The following LRCH1 variants were observed in gnomAD, a reference collection of about 807,000 sequenced individuals.
LRCH1 encodes the protein leucine-rich repeat and calponin homology domain-containing protein 1.
Under a neutral mutation model 94.9 loss-of-function variants are expected in LRCH1, and 23 were observed. That is an observed-to-expected ratio of 0.24 (90% CI 0.17 to 0.34). The LOEUF is 0.34. Among genes scored for constraint, LRCH1 ranks in the 10% least tolerant of loss-of-function variants. LRCH1 has a pLI of 1.00. For synonymous variants in LRCH1, 364 were observed against 354.9 expected, an observed-to-expected ratio of 1.03 and a Z score of -0.29; for missense variants, 790 against 945.9, an observed-to-expected ratio of 0.84 and a Z score of 2.16.
intron 3 of LRCH1, among the ~76,000 whole-genome samples, chr13:46,678,169 G>T (rs1463411116): frequency 6.6e-6 from 1 of 151,998 alleles, no homozygotes; most frequent in African/African-American, 2.4e-5. Flanking sequence ...CCTTATCTTA[G>T]GCTGAATTTG....
At chr13:46,606,410 C>A (rs1441514192) in intron 1 of LRCH1, among the ~76,000 whole-genome samples, 1 of 152,100 alleles carries the variant, frequency 6.6e-6, no homozygotes, top group Non-Finnish European at 1.5e-5. Flanking sequence ...TTTTTGATAT[C>A]CTTCCTCATT....
chr13:46,749,235 A>G (rs925247559), downstream of LRCH1, among the ~76,000 whole-genome samples: 11 of 152,236 alleles, frequency 7.2e-5, no homozygotes, highest in Non-Finnish European at 1.2e-4. Flanking sequence ...GTCATTTGCA[A>G]CAACATGGAT....
chr13:46,595,468 C>A lies in LRCH1; in HGVS notation c.307+41765C>A, dbSNP rs114189793. On this transcript the variant is annotated intron_variant, in intron 1 of 19. Transcript: ENST00000389797. The stretch of plus-strand genomic sequence containing the variant: ...CAGGCAGGGCACAGTTTTATATGTA[C>A]GTCAGCATTTTCACTTGGTGATGGA... Among the ~76,000 whole-genome samples, 76 of 152,272 alleles carry A rather than the reference C, an allele frequency of 5.0e-4. 1 individual carries two copies. Among genetic ancestry groups the A allele is most frequent in the Non-Finnish European group, 9.0e-4 (61 of 68,006 alleles).
Position 46,553,474 on chromosome 13 carries a change from C to CCAG in LRCH1, c.80_81insGCA (p.Pro26_His27insGln). The CCAG allele has an allele frequency of 6.5e-7, 1 of 1,527,818 alleles. No individual in the cohort carries two copies. The highest frequency in any genetic ancestry group is 8.8e-7 in the Non-Finnish European group (1 of 1,133,850). The allele number at this position is 1,527,818 out of a possible 1,614,324, so 94.6% of individuals were successfully genotyped here. A position where few individuals can be genotyped will look rare whatever the true frequency, so the allele number is the denominator to read the frequency against. On this transcript the variant is annotated inframe_insertion, in exon 1 of 20. Coordinates refer to ENST00000389797, the MANE Select transcript of LRCH1 (RefSeq NM_001164211.2). ...CTACTCTGCACCCACTTCATCATCC[C>CCAG]CACCACCACCACCACCACCATCAGC...
exon 19 of LRCH1, chr13:46,750,869 G>T: frequency 2.5e-6 from 1 of 395,412 alleles, no homozygotes; most frequent in Non-Finnish European, 4.5e-6. Flanking sequence ...AACCAGAGAG[G>T]GAGCTGGAGG....
chr13:46,558,572 C>CAAAAAAAA lies in LRCH1; in HGVS notation c.307+4888_307+4895dup, dbSNP rs575874794. 9.3e-4 allele frequency among the ~76,000 whole-genome samples: 32 copies of CAAAAAAAA among 34,392 alleles called. 2 individuals carry two copies. The highest frequency in any genetic ancestry group is 2.6e-3 in the South Asian group (2 of 766). 22.6% of individuals were successfully genotyped at this position (34,392 alleles called of 152,430 possible). A position where few individuals can be genotyped will look rare whatever the true frequency, so the allele number is the denominator to read the frequency against. On this transcript the variant is annotated intron_variant, in intron 1 of 19. Coordinates refer to ENST00000389797, the MANE Select transcript of LRCH1 (RefSeq NM_001164211.2). ...CCAAGACGGTGAAACCCTGTGTCTA[C>CAAAAAAAA]AAAAAAAAAAAAAAAAAAAAAAAAA...
At chr13:46,667,926 C>T (rs1197673091) in intron 2 of LRCH1, among the ~76,000 whole-genome samples, 1 of 152,236 alleles carries the variant, frequency 6.6e-6, no homozygotes, top group Non-Finnish European at 1.5e-5. Flanking sequence ...CTCACATACA[C>T]AGATACATGC....
At chr13:46,670,654 T>TCCAC (rs112062890) in intron 3 of LRCH1, among the ~76,000 whole-genome samples, 2 of 144,586 alleles carry the variant, frequency 1.4e-5, no homozygotes, top group Non-Finnish European at 3.0e-5. Context: ...ACACTGCCCA[T>TCCAC]CCCCCCCCAA....
intron 2 of LRCH1, among the ~76,000 whole-genome samples, chr13:46,652,307 ACCTCGTGGTCCACCCGCCTCGG>A (rs1323339539): frequency 2.0e-5 from 3 of 151,116 alleles, no homozygotes; most frequent in Non-Finnish European, 4.4e-5. Context: ...CGATCTCCTG[ACCTCGTGGTCCACCCGCCTCGG>A]CCTCCCAAAG....
At chr13:46,629,904 G>T (rs777727939) in intron 1 of LRCH1, among the ~76,000 whole-genome samples, 7 of 152,214 alleles carry the variant, frequency 4.6e-5, no homozygotes, top group African/African-American at 1.7e-4. Context: ...TGGAGCAGGG[G>T]TCTCCCCCAG....
intron 18 of LRCH1, among the ~76,000 whole-genome samples, chr13:46,749,996 T>G (rs1874059617): frequency 6.6e-6 from 1 of 152,186 alleles, no homozygotes; most frequent in Non-Finnish European, 1.5e-5. Context: ...TTGAGGGCTG[T>G]AGTTATAATT....
At chr13:46,620,242 G>A (rs555702866) in intron 1 of LRCH1, among the ~76,000 whole-genome samples, 186 of 152,052 alleles carry the variant, frequency 1.2e-3, no homozygotes, top group African/African-American at 4.0e-3. Context: ...ATGTTATTCT[G>A]TAGCCCCAGC....
chr13:46,711,969 G>A (rs1593369986), intron 14 of LRCH1, 125 bp downstream of exon 14: 6 of 662,822 alleles, frequency 9.1e-6, no homozygotes, highest in East Asian at 5.5e-5. Flanking sequence ...GGGGGAATCC[G>A]TCTAACTCTC....
At chr13:46,576,326 G>A (rs1306404973) in intron 1 of LRCH1, among the ~76,000 whole-genome samples, 2 of 152,072 alleles carry the variant, frequency 1.3e-5, no homozygotes, top group African/African-American at 2.4e-5. Flanking sequence ...ATTTTTTTCC[G>A]TAGACTTAAG....
intron 2 of LRCH1, among the ~76,000 whole-genome samples, chr13:46,654,917 G>GT (rs2051352049): frequency 6.6e-6 from 1 of 152,164 alleles, no homozygotes; most frequent in Non-Finnish European, 1.5e-5. Context: ...TTGTCTGTCT[G>GT]TACTTAAAAT....
intron 1 of LRCH1, among the ~76,000 whole-genome samples, chr13:46,634,133 C>A (rs1205724673): frequency 6.6e-6 from 1 of 152,190 alleles, no homozygotes; most frequent in Non-Finnish European, 1.5e-5. Context: ...CCGCCTCAGC[C>A]TCCCAAAGTG....
intron 10 of LRCH1, 70 bp downstream of exon 10, chr13:46,699,473 G>T: frequency 2.9e-6 from 4 of 1,375,018 alleles, no homozygotes; most frequent in Non-Finnish European, 4.2e-6. Context: ...TGGCAGTTCT[G>T]TTGTGATAGA....
At chr13:46,710,029 T>C (rs936201906) in intron 13 of LRCH1, among the ~76,000 whole-genome samples, 1 of 152,246 alleles carries the variant, frequency 6.6e-6, no homozygotes, top group Non-Finnish European at 1.5e-5. Context: ...CATAGCCCTA[T>C]ATTAATTCAC....
downstream of LRCH1, among the ~76,000 whole-genome samples, chr13:46,747,300 T>A (rs1873948441): frequency 6.6e-6 from 1 of 151,572 alleles, no homozygotes. Context: ...TGTCCAAATG[T>A]CCTGTTGGCA....
Sources: allele counts gnomAD v4.1 joint callset (sites outside exome capture counted in the v4.1 genomes callset), GRCh38; gene constraint gnomAD v4.1.1; transcripts MANE v1.5; gene names NCBI Gene and HGNC (gene_info 2026-07-23, HGNC 2026-07-21).